The following PLCXD3 variants were observed in gnomAD, a reference collection of about 807,000 sequenced individuals.
PLCXD3 encodes phosphatidylinositol specific phospholipase C X domain containing 3, also known as PI-PLC X domain-containing protein 3.
A neutral mutation model predicts 25.5 loss-of-function variants in PLCXD3; 19 were observed. The observed-to-expected ratio is 0.75, with a 90% confidence interval of 0.52 to 1.09. PLCXD3 has a LOEUF of 1.09. PLCXD3 is among the 50% of genes least tolerant of loss of function. The probability of loss-of-function intolerance (pLI) is 0.00; values close to 1 mark genes in which losing one functional copy is unlikely to be tolerated. For synonymous variants in PLCXD3, 174 were observed against 137.6 expected (o/e 1.26, Z -1.85); for missense variants, 411 against 388.1 (o/e 1.06, Z -0.50).
chr5:41,453,175 G>A (rs1446809346), intron 1 of PLCXD3, among the ~76,000 whole-genome samples: 1 of 151,620 alleles, frequency 6.6e-6, no homozygotes, highest in East Asian at 1.9e-4. Context: ...AATCTCCCAG[G>A]CCCTGGTAAT....
intron 1 of PLCXD3, among the ~76,000 whole-genome samples, chr5:41,483,951 T>C (rs1449157681): frequency 6.6e-6 from 1 of 152,100 alleles, no homozygotes; most frequent in African/African-American, 2.4e-5. Flanking sequence ...TCATACATAT[T>C]TTTAAAGGCT....
chr5:41,323,768 A>T (rs1167380052), intron 2 of PLCXD3, among the ~76,000 whole-genome samples: 4 of 152,182 alleles, frequency 2.6e-5, no homozygotes, highest in Admixed American at 2.6e-4. Context: ...CTAAAATGAC[A>T]TCTGATATGA....
chr5:41,446,412 C>G (rs1291356577), intron 1 of PLCXD3, among the ~76,000 whole-genome samples: 1 of 152,002 alleles, frequency 6.6e-6, no homozygotes, highest in Non-Finnish European at 1.5e-5. Flanking sequence ...GCTGTTCATT[C>G]TAAAACTGAT....
intron 2 of PLCXD3, among the ~76,000 whole-genome samples, chr5:41,357,994 A>G (rs550331210): frequency 6.6e-6 from 1 of 152,310 alleles, no homozygotes; most frequent in South Asian, 2.1e-4. Flanking sequence ...AAGCTTCTCA[A>G]AGAAGATTAT....
Position 41,317,847 on chromosome 5 carries a change from A to G in PLCXD3, c.813-4077T>C, listed in dbSNP as rs538034268. Among the ~76,000 whole-genome samples the G allele has an allele frequency of 2.0e-5, 3 of 152,218 alleles. No homozygotes were observed. In the South Asian group the frequency reaches 6.2e-4, roughly 32 times the overall value. The stretch of plus-strand genomic sequence containing the variant: ...ACAAAAGAAAAAATAATAAAAAACA[A>G]TGAAGCATGCCTACAGGATGCAGAA... On this transcript the variant is annotated intron_variant, in intron 2 of 2. Transcript: ENST00000377801.
intron 1 of PLCXD3, among the ~76,000 whole-genome samples, chr5:41,448,932 A>G (rs1054980177): frequency 6.6e-6 from 1 of 152,176 alleles, no homozygotes; most frequent in Non-Finnish European, 1.5e-5. Context: ...AGAATCTTCC[A>G]TTTCAGTCAG....
chr5:41,347,747 C>T (rs193039963), intron 2 of PLCXD3, among the ~76,000 whole-genome samples: 295 of 152,342 alleles, frequency 1.9e-3, no homozygotes, highest in Non-Finnish European at 3.4e-3. Flanking sequence ...TTTCCCTACT[C>T]TTAACACCAG....
chr5:41,460,026 G>A (rs1221141912), intron 1 of PLCXD3, among the ~76,000 whole-genome samples: 2 of 151,924 alleles, frequency 1.3e-5, no homozygotes, highest in Non-Finnish European at 2.9e-5. Context: ...AAAGGGCACA[G>A]CTATGCCTTG....
intron 2 of PLCXD3, among the ~76,000 whole-genome samples, chr5:41,330,473 G>C (rs1317936400): frequency 2.6e-5 from 4 of 151,974 alleles, no homozygotes; most frequent in Admixed American, 1.3e-4. Context: ...CAACCAAAAA[G>C]AGTCCAGGAC....
intron 1 of PLCXD3, among the ~76,000 whole-genome samples, chr5:41,510,176 C>T (rs1017027522): frequency 6.6e-6 from 1 of 152,318 alleles, no homozygotes; most frequent in African/African-American, 2.4e-5. Flanking sequence ...CCTCCGCATA[C>T]AACCTGCTTC....
intron 2 of PLCXD3, among the ~76,000 whole-genome samples, chr5:41,330,583 T>G (rs1424550138): frequency 6.6e-6 from 1 of 152,202 alleles, no homozygotes; most frequent in Non-Finnish European, 1.5e-5. Context: ...GAATCCTCCC[T>G]AACTCATTTT....
intron 2 of PLCXD3, among the ~76,000 whole-genome samples, chr5:41,323,182 C>T (rs1743526648): frequency 6.7e-6 from 1 of 149,832 alleles, no homozygotes; most frequent in African/African-American, 2.5e-5. Context: ...ACATTGAACT[C>T]ATGGACACAG....
At chr5:41,389,579 A>T (rs904950286) in intron 1 of PLCXD3, among the ~76,000 whole-genome samples, 8 of 152,114 alleles carry the variant, frequency 5.3e-5, no homozygotes, top group African/African-American at 1.4e-4. Context: ...GTGTACTTTC[A>T]GTACTCAAAA....
chr5:41,409,136 A>T (rs1173021221), intron 1 of PLCXD3, among the ~76,000 whole-genome samples: 3 of 152,226 alleles, frequency 2.0e-5, no homozygotes, highest in Admixed American at 6.5e-5. Context: ...TAAGGGAAAG[A>T]TATGCTTTAT....
chr5:41,475,595 G>A (rs892332100), intron 1 of PLCXD3: 3 of 534,240 alleles, frequency 5.6e-6, no homozygotes, highest in Non-Finnish European at 1.2e-5. Context: ...GGCCTCTTCA[G>A]GTCCCTTCAG....
intron 1 of PLCXD3, among the ~76,000 whole-genome samples, chr5:41,480,907 C>T (rs1480090271): frequency 6.6e-6 from 1 of 151,736 alleles, no homozygotes; most frequent in Non-Finnish European, 1.5e-5. Flanking sequence ...AAGACTCCAT[C>T]TCAAAATAAA....
chr5:41,494,097 T>A, intron 1 of PLCXD3, among the ~76,000 whole-genome samples: 1 of 152,204 alleles, frequency 6.6e-6, no homozygotes, highest in East Asian at 1.9e-4. Context: ...CCGGGTTTTA[T>A]TTTTTACTTA....
chr5:41,360,590 G>A (rs115912756), intron 2 of PLCXD3, among the ~76,000 whole-genome samples: 1 of 152,150 alleles, frequency 6.6e-6, no homozygotes. Flanking sequence ...TAAGAATGGG[G>A]CTTCCTGAGA....
At chr5:41,350,692 T>G (rs1294518657) in intron 2 of PLCXD3, among the ~76,000 whole-genome samples, 2 of 152,214 alleles carry the variant, frequency 1.3e-5, no homozygotes, top group Non-Finnish European at 2.9e-5. Flanking sequence ...ATTTCCCGAG[T>G]GTCCACCTAG....
Sources: gnomAD v4.1 joint callset for allele counts (sites outside exome capture counted in the v4.1 genomes callset) on GRCh38, gnomAD v4.1.1 for gene constraint, MANE v1.5 for transcripts, NCBI Gene and HGNC (gene_info 2026-07-23, HGNC 2026-07-21) for gene names.